The following CENPK variants were observed in gnomAD, a reference collection of about 807,000 sequenced individuals.
CENPK encodes the protein SoxLZ/Sox6-binding protein Solt.
A neutral mutation model predicts 40.9 loss-of-function variants in CENPK; 46 were observed. The observed-to-expected ratio is 1.13, with a 90% confidence interval of 0.89 to 1.44. The LOEUF (loss-of-function observed/expected upper bound fraction) is 1.44. Ranked by LOEUF, CENPK falls within the 40% of genes most tolerant of loss-of-function variation. CENPK has a pLI of 0.00. For synonymous variants in CENPK, 107 were observed against 104.4 expected (o/e 1.02, Z -0.15); for missense variants, 288 against 303.5 (o/e 0.95, Z 0.38).
chr5:65,549,231 G>A (rs1749548382), intron 5 of CENPK, among the ~76,000 whole-genome samples: 1 of 152,080 alleles, frequency 6.6e-6, no homozygotes. Context: ...TGAGTGGTAG[G>A]TCTCAACAGT....
chr5:65,502,991 G>A, the CENPK span, among the ~76,000 whole-genome samples: 14 of 151,490 alleles, frequency 9.2e-5, no homozygotes, highest in African/African-American at 3.4e-4. Context: ...TAGAGACAGG[G>A]TTTCACCACA....
downstream of CENPK, among the ~76,000 whole-genome samples, chr5:65,514,263 G>GTTTTTTTTTTTTTTTTTTTTTTT (rs59636233): frequency 1.8e-4 from 5 of 27,728 alleles, no homozygotes; most frequent in East Asian, 2.9e-3. Flanking sequence ...TTTTTTTTTA[G>GTTTTTTTTTTTTTTTTTTTTTTT]TTTTTTTTAG....
In CENPK at chr5:65,530,571, T is replaced by C. The variant is rs1745612758; in HGVS notation, c.289-1372A>G. Among the ~76,000 whole-genome samples the C allele has an allele frequency of 2.6e-5, 4 of 152,232 alleles. No individual in the cohort carries two copies. The South Asian group carries it at 8.3e-4, about 31-fold the overall frequency. Reference sequence around the variant, plus strand: ...AATTACAATAAGCACTAGTGTTCCATTCTCCTGATCACAAGGGTTTCTATT... The same window carrying C: ...AATTACAATAAGCACTAGTGTTCCACTCTCCTGATCACAAGGGTTTCTATT... On this transcript the variant is annotated intron_variant, in intron 6 of 10. Transcript: ENST00000396679.
At chr5:65,549,580 T>C (rs1749614530) in intron 5 of CENPK, among the ~76,000 whole-genome samples, 1 of 152,188 alleles carries the variant, frequency 6.6e-6, no homozygotes, top group South Asian at 2.1e-4. Flanking sequence ...CTTAGCTAGA[T>C]CTTCTGGATA....
intron 4 of CENPK, 71 bp from the exon 5 acceptor site, chr5:65,551,707 T>A: frequency 1.1e-6 from 1 of 876,924 alleles, no homozygotes; most frequent in Non-Finnish European, 1.7e-6. Flanking sequence ...AATATAAACA[T>A]TCTTAATATT....
chr5:65,547,537 T>C (rs1451048271), intron 5 of CENPK, among the ~76,000 whole-genome samples: 2 of 152,042 alleles, frequency 1.3e-5, no homozygotes, highest in Non-Finnish European at 1.5e-5. Context: ...AATTAATGAC[T>C]AACAGGTAGT....
the CENPK span, among the ~76,000 whole-genome samples, chr5:65,504,057 T>C: frequency 3.3e-5 from 5 of 152,056 alleles, no homozygotes; most frequent in African/African-American, 7.2e-5. Flanking sequence ...TTGCGATCAT[T>C]ATACTAAGTA....
intron 5 of CENPK, chr5:65,551,346 C>T (rs1052950027): frequency 1.3e-5 from 6 of 453,468 alleles, no homozygotes; most frequent in Non-Finnish European, 2.0e-5. Context: ...ATAACGTCTC[C>T]ATAATCAAGC....
At chr5:65,554,322 G>C (rs1024482867) in intron 3 of CENPK, among the ~76,000 whole-genome samples, 2 of 151,772 alleles carry the variant, frequency 1.3e-5, no homozygotes, top group African/African-American at 4.8e-5. Flanking sequence ...CAGCTAATTT[G>C]TGTATTTTTA....
Position 65,552,587 on chromosome 5 carries a change from A to G in CENPK, c.112-38T>C, listed in dbSNP as rs369396438. 8 of 1,290,864 alleles carry G rather than the reference A, an allele frequency of 6.2e-6. No homozygotes were observed. The African/African-American group carries it at 1.1e-4, about 17-fold the overall frequency. 80.0% of individuals were successfully genotyped at this position (1,290,864 alleles called of 1,614,324 possible). A position where few individuals can be genotyped will look rare whatever the true frequency, so the allele number is the denominator to read the frequency against. On this transcript the variant is annotated intron_variant, in intron 3 of 10. Coordinates refer to ENST00000396679, the MANE Select transcript of CENPK (RefSeq NM_022145.5). Reference sequence around the variant, plus strand: ...AGTAAAAAAAGGCAAGTCACACACGATAATTCACAGAAAATTCCCTTCCCC... The same window carrying G: ...AGTAAAAAAAGGCAAGTCACACACGGTAATTCACAGAAAATTCCCTTCCCC...
chr5:65,536,858 TG>T (rs1747004498), intron 6 of CENPK, among the ~76,000 whole-genome samples: 1 of 152,162 alleles, frequency 6.6e-6, no homozygotes. Context: ...TATAGAAACT[TG>T]GTTGCCATTG....
In CENPK at chr5:65,531,125, C is replaced by A. The variant is rs1745719804; in HGVS notation, c.289-1926G>T. On this transcript the variant is annotated intron_variant, in intron 6 of 10. Coordinates refer to ENST00000396679, the MANE Select transcript of CENPK (RefSeq NM_022145.5). ...TGAGCTATGATATCAACACTGCACCCAGCCTGGGCAACGGAGCAAGATCCT... is the reference window on the plus strand; with the variant it reads ...TGAGCTATGATATCAACACTGCACCAAGCCTGGGCAACGGAGCAAGATCCT... 1.3e-5 allele frequency among the ~76,000 whole-genome samples: 2 copies of A among 152,186 alleles called. 1 individual carries two copies. Among genetic ancestry groups the A allele is most frequent in the South Asian group, 4.1e-4 (2 of 4,828 alleles).
At position 65,518,611 on chromosome 5, in the gene CENPK, T is replaced by C. The variant is rs1335325956; in HGVS notation, c.674A>G (p.Asp225Gly). Residue 225 changes from aspartate (D) to glycine (G), a missense_variant, in exon 11 of 11, where the codon GAT becomes GGT. By Grantham distance (94) the Asp-to-Gly change is moderately conservative. Coordinates refer to ENST00000396679, the MANE Select transcript of CENPK (RefSeq NM_022145.5). ...MLEILINRLF[D>G]VPHDPYVKIS... ...TTTGACATATGGATCATGTGGAACA[T>C]CAAATAATCTATTTATAAGAATCTA... is the stretch of plus-strand genomic sequence containing the variant. 6.9e-6 allele frequency: 11 copies of C among 1,587,146 alleles called. No individual in the cohort carries two copies. The highest frequency in any genetic ancestry group is 9.5e-6 in the Non-Finnish European group (11 of 1,160,384).
rs1374448596 is a variant in CENPK, at chr5:65,561,533, G to C, written c.-110C>G. On this transcript the variant is annotated 5_prime_UTR_variant, in exon 2 of 11. Coordinates refer to ENST00000396679, the MANE Select transcript of CENPK (RefSeq NM_022145.5). ...TCATCAACAGAACCAGAAAATGATG[G>C]CACCCAGATCTTGAATCTCCAGCCT... 4.4e-6 allele frequency: 2 copies of C among 455,798 alleles called. No individual in the cohort carries two copies. The highest frequency in any genetic ancestry group is 1.4e-4 in the East Asian group (2 of 14,376). The allele number at this position is 455,798 out of a possible 1,614,324, so 28.2% of individuals were successfully genotyped here. A position where few individuals can be genotyped will look rare whatever the true frequency, so the allele number is the denominator to read the frequency against.
At chr5:65,499,961 T>C in the CENPK span, among the ~76,000 whole-genome samples, 1 of 90,308 alleles carries the variant, frequency 1.1e-5, no homozygotes, top group Non-Finnish European at 2.5e-5. Context: ...GAATGGTGGT[T>C]TCCAGTTTCA....
the CENPK span, among the ~76,000 whole-genome samples, chr5:65,506,743 C>T: frequency 6.6e-6 from 1 of 151,940 alleles, no homozygotes; most frequent in Non-Finnish European, 1.5e-5. Context: ...TGAGATCACG[C>T]CACTGCACTC....
chr5:65,501,401 A>G, the CENPK span, among the ~76,000 whole-genome samples: 1 of 151,624 alleles, frequency 6.6e-6, no homozygotes, highest in African/African-American at 2.4e-5. Flanking sequence ...CTGGTCCCGA[A>G]CTCCTGACCT....
the CENPK span, among the ~76,000 whole-genome samples, chr5:65,502,426 C>T: frequency 6.6e-6 from 1 of 152,264 alleles, no homozygotes; most frequent in South Asian, 2.1e-4. Context: ...ATATAATGTG[C>T]AAAGTTTTAA....
Position 65,539,028 on chromosome 5 carries a change from T to C in CENPK, c.288+3774A>G, listed in dbSNP as rs944861751. On this transcript the variant is annotated intron_variant, in intron 6 of 10. Coordinates refer to ENST00000396679, the MANE Select transcript of CENPK (RefSeq NM_022145.5). ...CTGTCTCTAGGCACATACTTACCTC[T>C]TTCCATGCTCTACAACTTGTAAAAG... 2.6e-5 allele frequency among the ~76,000 whole-genome samples: 4 copies of C among 152,212 alleles called. No homozygotes were observed. The East Asian group carries it at 7.7e-4, about 29-fold the overall frequency.
Sources: gnomAD v4.1 joint callset for allele counts (sites outside exome capture counted in the v4.1 genomes callset) on GRCh38, gnomAD v4.1.1 for gene constraint, MANE v1.5 for transcripts, NCBI Gene and HGNC (gene_info 2026-07-23, HGNC 2026-07-21) for gene names.